The following TMEM161B variants were observed in gnomAD, a reference collection of about 807,000 sequenced individuals.
TMEM161B encodes the protein transmembrane protein 161B.
In TMEM161B, 34 loss-of-function variants were observed where a neutral mutation model predicts 61.8. The observed-to-expected ratio is 0.55, with a 90% confidence interval of 0.42 to 0.73. TMEM161B has a LOEUF of 0.73. Ranked by LOEUF, TMEM161B falls within the 30% of genes least tolerant of loss-of-function variation. TMEM161B has a pLI of 0.00. For synonymous variants in TMEM161B, 167 were observed against 192.8 expected (o/e 0.87, Z 1.11); for missense variants, 456 against 558.5 (o/e 0.82, Z 1.85).
chr5:88,255,897 A>C (rs1034062379), intron 1 of TMEM161B, among the ~76,000 whole-genome samples: 6 of 152,158 alleles, frequency 3.9e-5, no homozygotes, highest in Admixed American at 3.9e-4. Flanking sequence ...AAAGATTAGA[A>C]CTACAACAGT....
intron 5 of TMEM161B, among the ~76,000 whole-genome samples, chr5:88,210,730 A>T (rs1340513606): frequency 6.6e-6 from 1 of 152,192 alleles, no homozygotes; most frequent in Non-Finnish European, 1.5e-5. Context: ...GGCCTCAAGG[A>T]AAAGACCAAT....
intron 1 of TMEM161B, among the ~76,000 whole-genome samples, chr5:88,265,349 AAG>A (rs1190416667): frequency 1.2e-4 from 19 of 152,126 alleles, no homozygotes. Flanking sequence ...AGTGTGGAGG[AAG>A]GATGGTTTCG....
chr5:88,240,726 G>T, intron 2 of TMEM161B, 87 bp downstream of exon 2: 1 of 1,079,028 alleles, frequency 9.3e-7, no homozygotes, highest in Non-Finnish European at 1.4e-6. Context: ...TTTTGTTAAA[G>T]TTTTAGAAAC....
intron 1 of TMEM161B, among the ~76,000 whole-genome samples, chr5:88,263,329 T>G (rs1398523700): frequency 2.0e-5 from 3 of 152,150 alleles, no homozygotes; most frequent in Admixed American, 1.3e-4. Flanking sequence ...CCTCTCCCAA[T>G]AAATGAGGGC....
rs781417960 is a variant in TMEM161B, at chr5:88,268,703, C to T, written c.3+18G>A. ...TTCGCCCCACCGTTGTCACTCCTGC[C>T]CTCACAGAAGAACTCACCATGGCGC... On this transcript the variant is annotated intron_variant, in intron 1 of 11. Transcript: ENST00000296595. 3 of 1,614,014 alleles carry T rather than the reference C, an allele frequency of 1.9e-6. No individual in the cohort carries two copies. The South Asian group carries it at 3.3e-5, about 18-fold the overall frequency.
chr5:88,234,433 T>C (rs1379630757), intron 2 of TMEM161B, among the ~76,000 whole-genome samples: 3 of 152,222 alleles, frequency 2.0e-5, no homozygotes, highest in East Asian at 1.9e-4. Flanking sequence ...TCTGTGATCA[T>C]AGATTCCAAG....
intron 2 of TMEM161B, among the ~76,000 whole-genome samples, chr5:88,229,306 TTC>T (rs1160983479): frequency 6.6e-6 from 1 of 152,142 alleles, no homozygotes; most frequent in Admixed American, 6.5e-5. Context: ...CTATTATTAA[TTC>T]TGTTTCTCAA....
At chr5:88,229,001 A>G (rs748151923) in intron 2 of TMEM161B, among the ~76,000 whole-genome samples, 3 of 152,156 alleles carry the variant, frequency 2.0e-5, no homozygotes, top group Non-Finnish European at 4.4e-5. Flanking sequence ...AGAATTCTCA[A>G]ACTTTGTGTG....
intron 5 of TMEM161B, among the ~76,000 whole-genome samples, chr5:88,207,623 T>C (rs893423545): frequency 6.6e-6 from 1 of 152,192 alleles, no homozygotes; most frequent in African/African-American, 2.4e-5. Context: ...GGGTCACCAC[T>C]TCACATTAGT....
downstream of TMEM161B, among the ~76,000 whole-genome samples, chr5:88,189,019 T>C (rs900125939): frequency 6.7e-6 from 1 of 150,366 alleles, no homozygotes; most frequent in African/African-American, 2.5e-5. Flanking sequence ...GTTCTCACTC[T>C]CATCTACACT....
downstream of TMEM161B, among the ~76,000 whole-genome samples, chr5:88,188,658 T>C (rs770116189): frequency 2.0e-5 from 3 of 152,022 alleles, no homozygotes; most frequent in Non-Finnish European, 4.4e-5. Context: ...CCTCAGACAC[T>C]GGATTAAAGA....
At chr5:88,194,847 G>A (rs33702), downstream of TMEM161B, among the ~76,000 whole-genome samples, 43,863 of 151,812 alleles carry the variant, frequency 0.29, 7,386 homozygotes, top group African/African-American at 0.44. Flanking sequence ...TATTTGAAAA[G>A]ACAAAAAAAC....
chr5:88,194,959 T>C (rs33701), downstream of TMEM161B: 47,913 of 170,036 alleles, frequency 0.28, 7,872 homozygotes, highest in African/African-American at 0.44. Flanking sequence ...TTCCCTTGAA[T>C]GTTTCATTCA....
chr5:88,266,774 A>G (rs1003000230), intron 1 of TMEM161B, among the ~76,000 whole-genome samples: 2 of 152,222 alleles, frequency 1.3e-5, no homozygotes, highest in Non-Finnish European at 2.9e-5. Flanking sequence ...AAAAATTCCA[A>G]GCATTAACCA....
chr5:88,197,897 G>T, intron 10 of TMEM161B, 132 bp from the exon 11 acceptor site: 1 of 702,550 alleles, frequency 1.4e-6, no homozygotes, highest in Non-Finnish European at 2.3e-6. Flanking sequence ...ATGTCAGTAA[G>T]TTGTGCTGCA....
chr5:88,232,798 C>T lies in TMEM161B; in HGVS notation c.108-4270G>A, dbSNP rs549013580. ...ACCGTGTTAGCCAGGATGGTCTCCA[C>T]CTCCTGACCTCATGATCTGCCCGCC... On this transcript the variant is annotated intron_variant, in intron 2 of 11. Coordinates refer to ENST00000296595, the MANE Select transcript of TMEM161B (RefSeq NM_153354.5). 2.8e-3 allele frequency among the ~76,000 whole-genome samples: 431 copies of T among 152,198 alleles called. 3 individuals carry two copies. The highest frequency in any genetic ancestry group is 4.8e-3 in the Non-Finnish European group (325 of 67,996).
intron 1 of TMEM161B, 64 bp downstream of exon 1, chr5:88,268,657 A>G (rs1580775626): frequency 1.2e-6 from 2 of 1,610,388 alleles, no homozygotes; most frequent in East Asian, 4.5e-5. Context: ...CTCTTTTCAC[A>G]GTACTGACCT....
intron 5 of TMEM161B, among the ~76,000 whole-genome samples, chr5:88,220,287 G>C (rs1032912799): frequency 1.3e-5 from 2 of 151,904 alleles, no homozygotes; most frequent in African/African-American, 4.8e-5. Context: ...TTAAACACAA[G>C]GAAGGAATTC....
In TMEM161B at chr5:88,195,718, T is replaced by C. The variant is rs1749516431; in HGVS notation, c.*493A>G. On this transcript the variant is annotated 3_prime_UTR_variant, in exon 12 of 12. Transcript: ENST00000296595. ...TACAGTAGCTATCTCTTCCTTTCTG[T>C]TGGATTTTATTGTTTCAAGAGTAAC... is the stretch of plus-strand genomic sequence containing the variant. The C allele has an allele frequency of 2.0e-6, 2 of 986,512 alleles. No individual in the cohort carries two copies. The highest frequency in any genetic ancestry group is 1.7e-5 in the African/African-American group (1 of 57,238). 61.1% of individuals were successfully genotyped at this position (986,512 alleles called of 1,614,324 possible).
Sources: allele counts gnomAD v4.1 joint callset (sites outside exome capture counted in the v4.1 genomes callset), GRCh38; gene constraint gnomAD v4.1.1; transcripts MANE v1.5; gene names NCBI Gene and HGNC (gene_info 2026-07-23, HGNC 2026-07-21).